The following LYPLAL1 variants were observed in gnomAD, a reference collection of about 807,000 sequenced individuals.
LYPLAL1 encodes the protein lysophospholipase like 1.
Under a neutral mutation model 19.7 loss-of-function variants are expected in LYPLAL1, and 23 were observed. The observed-to-expected ratio is 1.17, with a 90% CI of 0.84 to 1.65. The LOEUF (loss-of-function observed/expected upper bound fraction) is 1.65, where lower values mean the gene tolerates loss of function less well. Among genes scored for constraint, LYPLAL1 ranks in the 40% most tolerant of loss-of-function variants. The pLI is 0.00. For synonymous variants in LYPLAL1, 119 were observed against 96.3 expected, an observed-to-expected ratio of 1.24 and a Z score of -1.38; for missense variants, 355 against 279.4, an observed-to-expected ratio of 1.27 and a Z score of -1.93.
the LYPLAL1 span, among the ~76,000 whole-genome samples, chr1:219,280,378 A>T: frequency 6.6e-6 from 1 of 152,186 alleles, no homozygotes; most frequent in South Asian, 2.1e-4. Flanking sequence ...TAATATCTTT[A>T]TGACACCTCA....
At chr1:219,323,754 T>C in the LYPLAL1 span, among the ~76,000 whole-genome samples, 115,717 of 152,022 alleles carry the variant, frequency 0.76, 44,474 homozygotes, top group East Asian at 0.97. Context: ...AATAAAAACC[T>C]TAGAAAAAAG....
At chr1:219,418,275 C>A in the LYPLAL1 span, among the ~76,000 whole-genome samples, 1 of 152,106 alleles carries the variant, frequency 6.6e-6, no homozygotes, top group Non-Finnish European at 1.5e-5. Context: ...GACCCTAGGT[C>A]TCTGTCCAGA....
At chr1:219,265,757 A>G in the LYPLAL1 span, among the ~76,000 whole-genome samples, 5 of 152,172 alleles carry the variant, frequency 3.3e-5, no homozygotes, top group Admixed American at 6.5e-5. Flanking sequence ...GCTATAAGGT[A>G]TAGCCTATTG....
the LYPLAL1 span, among the ~76,000 whole-genome samples, chr1:219,267,100 A>T: frequency 6.6e-6 from 1 of 152,256 alleles, no homozygotes; most frequent in African/African-American, 2.4e-5. Flanking sequence ...TATGGTAGAT[A>T]TATATGAGCA....
the LYPLAL1 span, among the ~76,000 whole-genome samples, chr1:219,399,073 T>C: frequency 2.6e-5 from 4 of 152,170 alleles, no homozygotes; most frequent in African/African-American, 9.7e-5. Flanking sequence ...AGGGGCACCC[T>C]TGTTGGCTGC....
At chr1:219,382,495 G>T in the LYPLAL1 span, among the ~76,000 whole-genome samples, 3 of 152,136 alleles carry the variant, frequency 2.0e-5, no homozygotes, top group African/African-American at 7.2e-5. Flanking sequence ...GAGTAGCTGG[G>T]ACTACAGGCG....
rs202111790 is a variant in LYPLAL1, at chr1:219,212,421, C to T, written c.*693C>T. 2 of 151,436 alleles carry T rather than the reference C, an allele frequency of 1.3e-5. No individual in the cohort carries two copies. The highest frequency in any genetic ancestry group is 4.2e-4 in the South Asian group (2 of 4,804). 9.4% of individuals were successfully genotyped at this position (151,436 alleles called of 1,614,324 possible). A position where few individuals can be genotyped will look rare whatever the true frequency, so the allele number is the denominator to read the frequency against. On this transcript the variant is annotated 3_prime_UTR_variant, in exon 5 of 5. Coordinates refer to ENST00000366928, the MANE Select transcript of LYPLAL1 (RefSeq NM_138794.5). ...TTTTGTTGAGATTTAAATAAATAGC[C>T]AAAAGCCAATACATAATAAACACTC...
At chr1:219,276,970 C>G in the LYPLAL1 span, among the ~76,000 whole-genome samples, 957 of 152,202 alleles carry the variant, frequency 6.3e-3, 11 homozygotes, top group African/African-American at 0.022. Context: ...TGAAATTACC[C>G]CAATGACTTC....
the LYPLAL1 span, among the ~76,000 whole-genome samples, chr1:219,430,502 T>G: frequency 6.6e-6 from 1 of 152,204 alleles, no homozygotes; most frequent in Non-Finnish European, 1.5e-5. Flanking sequence ...TATGCATAAT[T>G]AGACAGACTT....
At chr1:219,267,453 T>C in the LYPLAL1 span, among the ~76,000 whole-genome samples, 1 of 152,162 alleles carries the variant, frequency 6.6e-6, no homozygotes, top group Non-Finnish European at 1.5e-5. Context: ...CCCAGTAAAC[T>C]CACCCTCTGC....
intron 3 of LYPLAL1, 196 bp from the exon 4 acceptor site, chr1:219,210,336 C>CA: frequency 2.8e-6 from 1 of 353,620 alleles, no homozygotes. Flanking sequence ...CTCTCTTTAC[C>CA]AGTGGTGACA....
At chr1:219,308,571 G>T in the LYPLAL1 span, among the ~76,000 whole-genome samples, 2 of 152,206 alleles carry the variant, frequency 1.3e-5, no homozygotes, top group African/African-American at 4.8e-5. Context: ...TTGGTGCCCT[G>T]TGTCTCAGCT....
chr1:219,413,715 C>T, the LYPLAL1 span, among the ~76,000 whole-genome samples: 1 of 152,174 alleles, frequency 6.6e-6, no homozygotes, highest in Non-Finnish European at 1.5e-5. Flanking sequence ...CACTTATATC[C>T]ATTAGCCCTG....
intron 1 of LYPLAL1, chr1:219,174,226 C>T (rs1368632044): frequency 7.2e-7 from 1 of 1,386,232 alleles, no homozygotes; most frequent in African/African-American, 1.5e-5. Flanking sequence ...CCTTGTGTCC[C>T]GCCGCTCAGC....
the LYPLAL1 span, among the ~76,000 whole-genome samples, chr1:219,336,927 A>G: frequency 6.6e-6 from 1 of 151,994 alleles, no homozygotes; most frequent in South Asian, 2.1e-4. Context: ...ATGACATCAC[A>G]AGAAATGAGT....
the LYPLAL1 span, among the ~76,000 whole-genome samples, chr1:219,355,674 T>C: frequency 6.6e-6 from 1 of 152,072 alleles, no homozygotes; most frequent in Non-Finnish European, 1.5e-5. Context: ...AATATACCTC[T>C]TACAAGAGTA....
At chr1:219,183,291 A>G (rs111363821) in intron 2 of LYPLAL1, among the ~76,000 whole-genome samples, 1 of 151,872 alleles carries the variant, frequency 6.6e-6, no homozygotes, top group East Asian at 1.9e-4. Flanking sequence ...ATCTTTTTCT[A>G]TTGATTTGTT....
the LYPLAL1 span, among the ~76,000 whole-genome samples, chr1:219,313,141 A>G: frequency 6.6e-6 from 1 of 151,884 alleles, no homozygotes; most frequent in Non-Finnish European, 1.5e-5. Flanking sequence ...GTGTAGAGCC[A>G]TGTGCTGTGA....
At chr1:219,431,926 G>A in the LYPLAL1 span, among the ~76,000 whole-genome samples, 22 of 152,188 alleles carry the variant, frequency 1.4e-4, no homozygotes, top group East Asian at 3.7e-3. Context: ...TGATATTATC[G>A]ATCTCAGCAA....
Sources: allele counts gnomAD v4.1 joint callset (sites outside exome capture counted in the v4.1 genomes callset), GRCh38; gene constraint gnomAD v4.1.1; transcripts MANE v1.5; gene names NCBI Gene and HGNC (gene_info 2026-07-23, HGNC 2026-07-21).